Variants in CDC14A observed in about 807,000 individuals in gnomAD.
CDC14A encodes the protein dual specificity protein phosphatase CDC14A.
Under a neutral mutation model 74.4 loss-of-function variants are expected in CDC14A, and 53 were observed. The ratio of observed to expected loss-of-function variants is 0.71; its 90% CI spans 0.57 to 0.89. The LOEUF is 0.89. Ranked by LOEUF, CDC14A falls within the 40% of genes least tolerant of loss-of-function variation. CDC14A has a pLI of 0.00. For missense variants in CDC14A, 646 were observed against 713.7 expected, an observed-to-expected ratio of 0.91 and a Z score of 1.08; for synonymous variants, 247 against 258.4, an observed-to-expected ratio of 0.96 and a Z score of 0.43.
intron 4 of CDC14A, among the ~76,000 whole-genome samples, chr1:100,394,577 C>G (rs1446231514): frequency 6.6e-6 from 1 of 152,180 alleles, no homozygotes; most frequent in Admixed American, 6.5e-5. Context: ...GAAGTTTCCA[C>G]CACTTTAAAG....
chr1:100,502,265 G>T (rs1648813649), intron 15 of CDC14A, among the ~76,000 whole-genome samples: 1 of 152,108 alleles, frequency 6.6e-6, no homozygotes, highest in African/African-American at 2.4e-5. Flanking sequence ...TTCCCTTCCT[G>T]CAAGCTCTAT....
At chr1:100,389,483 A>G (rs1288339969) in intron 3 of CDC14A, among the ~76,000 whole-genome samples, 1 of 151,480 alleles carries the variant, frequency 6.6e-6, no homozygotes, top group Non-Finnish European at 1.5e-5. Context: ...ATGTGTATAT[A>G]TATATATGAT....
intron 4 of CDC14A, among the ~76,000 whole-genome samples, chr1:100,408,352 A>G (rs1404750731): frequency 1.3e-5 from 2 of 152,168 alleles, no homozygotes; most frequent in Non-Finnish European, 2.9e-5. Flanking sequence ...TGTCTTTGCT[A>G]TTGTGAATAG....
Position 100,518,417 on chromosome 1 carries a change from A to G in CDC14A, c.*137A>G. 1 of 682,408 alleles carries G rather than the reference A, an allele frequency of 1.5e-6. No individual in the cohort carries two copies. Among genetic ancestry groups the G allele is most frequent in the Non-Finnish European group, 2.6e-6 (1 of 382,802 alleles). The allele number at this position is 682,408 out of a possible 1,614,324, so 42.3% of individuals were successfully genotyped here. On this transcript the variant is annotated 3_prime_UTR_variant, in exon 16 of 16. Coordinates refer to ENST00000336454, the MANE Select transcript of CDC14A (RefSeq NM_003672.4). The stretch of plus-strand genomic sequence containing the variant: ...ACCTTAAATTAAAAAGAGCACTAAG[A>G]TAACACCTTCAAGAGACTTGAAAAC...
rs745488879 is a variant in CDC14A, at chr1:100,389,573, G to A, written c.217-1159G>A. 7.9e-5 allele frequency among the ~76,000 whole-genome samples: 12 copies of A among 152,022 alleles called. No individual in the cohort carries two copies. In the South Asian group the frequency reaches 2.5e-3, roughly 31 times the overall value. On this transcript the variant is annotated intron_variant, in intron 3 of 15. Transcript: ENST00000336454. The stretch of plus-strand genomic sequence containing the variant: ...AGGGATACACTTTCTGTGGTTACAT[G>A]GTAAAGCCAGAGTGTTGCAGTTTCA...
chr1:100,374,579 G>A (rs1324984376), intron 2 of CDC14A, among the ~76,000 whole-genome samples: 1 of 152,194 alleles, frequency 6.6e-6, no homozygotes, highest in Admixed American at 6.5e-5. Flanking sequence ...CATGAAGCCT[G>A]TGTAAAGGGA....
intron 10 of CDC14A, among the ~76,000 whole-genome samples, chr1:100,482,262 G>C (rs796273191): frequency 8.5e-5 from 13 of 152,202 alleles, no homozygotes; most frequent in African/African-American, 3.1e-4. Flanking sequence ...TGTTCCTAAA[G>C]ACTCTTAAAA....
At chr1:100,374,133 C>T (rs1278567228) in intron 2 of CDC14A, among the ~76,000 whole-genome samples, 3 of 152,122 alleles carry the variant, frequency 2.0e-5, no homozygotes, top group Non-Finnish European at 2.9e-5. Context: ...AGGACATGAA[C>T]TCATCATTTT....
rs1026817428 is a variant in CDC14A at position 100,430,766 on chromosome 1, G to A, written c.389+6465G>A. On this transcript the variant is annotated intron_variant, in intron 5 of 15. Transcript: ENST00000336454. ...GTCGAAGTTTGTTTAGCAATTAACT[G>A]TACTTCAAAGGGAAAGTTCTCCTTA... 2.0e-5 allele frequency among the ~76,000 whole-genome samples: 3 copies of A among 152,152 alleles called. 1 individual carries two copies. The highest frequency in any genetic ancestry group is 4.4e-5 in the Non-Finnish European group (3 of 68,022).
chr1:100,455,634 A>G lies in CDC14A; in HGVS notation c.607+142A>G, dbSNP rs17122554. Reference sequence around the variant, plus strand: ...TAATTTAAAAAATTGAACAGTAGTAATAGTGTGTTAAATATTGTATTTCCA... The same window carrying G: ...TAATTTAAAAAATTGAACAGTAGTAGTAGTGTGTTAAATATTGTATTTCCA... On this transcript the variant is annotated intron_variant, in intron 8 of 15. Transcript: ENST00000336454. The G allele has an allele frequency of 0.21, 127,233 of 610,986 alleles. 16,590 individuals carry two copies. Among genetic ancestry groups the G allele is most frequent in the African/African-American group, 0.52 (27,841 of 53,476 alleles). The allele number at this position is 610,986 out of a possible 1,614,324, so 37.8% of individuals were successfully genotyped here.
At chr1:100,413,462 G>C (rs1284986890) in intron 4 of CDC14A, among the ~76,000 whole-genome samples, 1 of 152,176 alleles carries the variant, frequency 6.6e-6, no homozygotes, top group African/African-American at 2.4e-5. Flanking sequence ...ATATGAAAAG[G>C]CTTCTTAAAA....
intron 2 of CDC14A, among the ~76,000 whole-genome samples, chr1:100,359,505 G>T (rs1027706070): frequency 1.3e-5 from 2 of 152,154 alleles, no homozygotes; most frequent in Non-Finnish European, 2.9e-5. Flanking sequence ...GGCTCTTGGG[G>T]GAAATGTGCC....
chr1:100,385,389 T>A (rs559575017), intron 3 of CDC14A, among the ~76,000 whole-genome samples: 1 of 152,328 alleles, frequency 6.6e-6, no homozygotes, highest in South Asian at 2.1e-4. Context: ...ATCTGTGTTT[T>A]AATAAGCCCT....
chr1:100,465,608 G>T (rs541914604), intron 9 of CDC14A, among the ~76,000 whole-genome samples: 1 of 152,182 alleles, frequency 6.6e-6, no homozygotes, highest in Non-Finnish European at 1.5e-5. Flanking sequence ...ATGAACTTTG[G>T]TGGCTACTGA....
At chr1:100,444,941 G>A (rs918067168) in intron 7 of CDC14A, among the ~76,000 whole-genome samples, 2 of 151,844 alleles carry the variant, frequency 1.3e-5, no homozygotes, top group Non-Finnish European at 2.9e-5. Context: ...CCCAAAGAGA[G>A]TTTTTTTTAA....
chr1:100,481,761 T>G (rs1206187315), intron 10 of CDC14A, among the ~76,000 whole-genome samples: 2 of 152,210 alleles, frequency 1.3e-5, no homozygotes, highest in Non-Finnish European at 2.9e-5. Flanking sequence ...GGTCAGTAAA[T>G]TTCATGCTGT....
chr1:100,418,124 A>T (rs1355719761), intron 4 of CDC14A, among the ~76,000 whole-genome samples: 1 of 152,168 alleles, frequency 6.6e-6, no homozygotes, highest in African/African-American at 2.4e-5. Context: ...ACTCGGGGTG[A>T]TGTGAGGATT....
chr1:100,352,232 C>T (rs962461314), upstream of CDC14A, among the ~76,000 whole-genome samples: 1 of 152,216 alleles, frequency 6.6e-6, no homozygotes, highest in South Asian at 2.1e-4. Context: ...CTACAGGCCC[C>T]GCCCGCTCCC....
intron 15 of CDC14A, among the ~76,000 whole-genome samples, chr1:100,505,370 T>C (rs1008566927): frequency 6.6e-6 from 1 of 152,248 alleles, no homozygotes; most frequent in African/African-American, 2.4e-5. Context: ...CTTGGTAGCC[T>C]ATGAATAGGT....
Sources: gnomAD v4.1 joint callset for allele counts (sites outside exome capture counted in the v4.1 genomes callset) on GRCh38, gnomAD v4.1.1 for gene constraint, MANE v1.5 for transcripts, NCBI Gene and HGNC (gene_info 2026-07-23, HGNC 2026-07-21) for gene names.